MAML2: variants seen among roughly 807,000 people sequenced by gnomAD.
MAML2 encodes mastermind-like protein 2.
MAML2 carries 22 observed loss-of-function variants against 96.1 expected under a neutral mutation model. That is an observed-to-expected ratio of 0.23 (90% CI 0.16 to 0.33). The LOEUF is 0.33. MAML2 is among the 10% of genes least tolerant of loss of function. The probability of loss-of-function intolerance (pLI) is 1.00; values close to 1 mark genes in which losing one functional copy is unlikely to be tolerated. For missense variants in MAML2, 1,367 were observed against 1,392.4 expected (o/e 0.98, Z 0.29); for synonymous variants, 561 against 521.3 (o/e 1.08, Z -1.04).
At chr11:96,248,813 T>C (rs1862544462) in intron 1 of MAML2, among the ~76,000 whole-genome samples, 1 of 152,226 alleles carries the variant, frequency 6.6e-6, no homozygotes. Flanking sequence ...ATGGATCTAC[T>C]CCAATCTCCA....
intron 2 of MAML2, among the ~76,000 whole-genome samples, chr11:96,001,138 G>T (rs568765982): frequency 6.6e-6 from 1 of 152,284 alleles, no homozygotes; most frequent in South Asian, 2.1e-4. Context: ...AGTCACTACA[G>T]AGTTTATCCT....
rs111411130 is a variant in MAML2 at position 96,166,146 on chromosome 11, C to G, written c.514-72629G>C. ...TGTCTCTCTTTCTCTGTCTCTCTCT[C>G]TCTGTCTGTCTCTCTCTCTCTCTCT... On this transcript the variant is annotated intron_variant, in intron 1 of 4. Transcript: ENST00000524717. 1.1e-3 allele frequency among the ~76,000 whole-genome samples: 138 copies of G among 122,084 alleles called. No individual in the cohort carries two copies. The East Asian group carries it at 0.012, about 11-fold the overall frequency. 80.1% of individuals were successfully genotyped at this position (122,084 alleles called of 152,430 possible). A position where few individuals can be genotyped will look rare whatever the true frequency, so the allele number is the denominator to read the frequency against.
intron 1 of MAML2, among the ~76,000 whole-genome samples, chr11:96,297,442 G>A (rs578446): frequency 1.3e-5 from 2 of 151,562 alleles, no homozygotes; most frequent in Non-Finnish European, 1.5e-5. Context: ...GGGTGTGGTG[G>A]TGCATGCCTG....
intron 1 of MAML2, among the ~76,000 whole-genome samples, chr11:96,167,944 T>A (rs1202657978): frequency 1.3e-5 from 2 of 152,268 alleles, no homozygotes; most frequent in Admixed American, 1.3e-4. Context: ...ATGACCTATG[T>A]ATATGTCTGA....
chr11:96,115,104 G>A lies in MAML2; in HGVS notation c.514-21587C>T, dbSNP rs1860211319. ...AAGATCCAAAGATACAAGGTAGTGAGGTTTAAGGGGTACATATTAAATGTT... is the reference window on the plus strand; with the variant it reads ...AAGATCCAAAGATACAAGGTAGTGAAGTTTAAGGGGTACATATTAAATGTT... On this transcript the variant is annotated intron_variant, in intron 1 of 4. Transcript: ENST00000524717. Among the ~76,000 whole-genome samples the A allele has an allele frequency of 5.9e-5, 9 of 152,186 alleles. No homozygotes were observed. In the South Asian group the frequency reaches 1.9e-3, roughly 32 times the overall value.
chr11:96,331,609 C>T (rs1189266663), intron 1 of MAML2, among the ~76,000 whole-genome samples: 1 of 151,152 alleles, frequency 6.6e-6, no homozygotes, highest in African/African-American at 2.4e-5. Context: ...ACCAGCCTGA[C>T]CAACATGGTG....
chr11:96,243,478 C>T (rs1402420925), intron 1 of MAML2, among the ~76,000 whole-genome samples: 1 of 152,178 alleles, frequency 6.6e-6, no homozygotes, highest in East Asian at 1.9e-4. Context: ...TCCAGGCACG[C>T]GCGGAGCCAG....
At chr11:96,141,074 T>A (rs186961253) in intron 1 of MAML2, among the ~76,000 whole-genome samples, 1 of 152,288 alleles carries the variant, frequency 6.6e-6, no homozygotes, top group East Asian at 1.9e-4. Flanking sequence ...GTTGACCATA[T>A]CTTTATTGTT....
chr11:96,122,244 G>T (rs963908574), intron 1 of MAML2, among the ~76,000 whole-genome samples: 14 of 151,942 alleles, frequency 9.2e-5, no homozygotes, highest in Non-Finnish European at 1.6e-4. Flanking sequence ...CTGACTTGCA[G>T]ATAATCTCTC....
intron 1 of MAML2, among the ~76,000 whole-genome samples, chr11:96,166,392 C>T (rs763438103): frequency 1.1e-4 from 17 of 152,074 alleles, no homozygotes; most frequent in Non-Finnish European, 2.2e-4. Flanking sequence ...TGGTTATTTT[C>T]GTTAAGTTAA....
At chr11:96,072,909 A>C (rs988423407) in intron 2 of MAML2, among the ~76,000 whole-genome samples, 1 of 152,242 alleles carries the variant, frequency 6.6e-6, no homozygotes, top group Admixed American at 6.5e-5. Context: ...AACTTGTCTC[A>C]TGGTGGCTCC....
rs541475053 is a variant in MAML2 at position 96,256,804 on chromosome 11, G to T, written c.513+84579C>A. ...ATTTTACACATCTGAAGCCACATAAGTATGTCCGGCTGCAATACATCTGGT... is the reference window on the plus strand; with the variant it reads ...ATTTTACACATCTGAAGCCACATAATTATGTCCGGCTGCAATACATCTGGT... On this transcript the variant is annotated intron_variant, in intron 1 of 4. Transcript: ENST00000524717. 1.1e-3 allele frequency among the ~76,000 whole-genome samples: 172 copies of T among 152,288 alleles called. 3 individuals are homozygous for T. The highest frequency in any genetic ancestry group is 4.0e-3 in the African/African-American group (167 of 41,550).
At chr11:96,268,341 G>T (rs1476729998) in intron 1 of MAML2, among the ~76,000 whole-genome samples, 3 of 152,038 alleles carry the variant, frequency 2.0e-5, no homozygotes, top group Admixed American at 6.6e-5. Context: ...TTCAAAATTA[G>T]CCAGGTATGG....
intron 2 of MAML2, among the ~76,000 whole-genome samples, chr11:96,069,535 G>A (rs1315299391): frequency 2.6e-5 from 4 of 151,942 alleles, no homozygotes; most frequent in Admixed American, 6.6e-5. Flanking sequence ...AAAATTAGCC[G>A]GGCGTGGCAC....
chr11:96,227,793 G>A (rs578243441), intron 1 of MAML2, among the ~76,000 whole-genome samples: 58 of 152,238 alleles, frequency 3.8e-4, no homozygotes, highest in African/African-American at 6.7e-4. Context: ...TGTCTCTGTC[G>A]CCATCGAATG....
At chr11:96,012,243 C>A (rs536965426) in intron 2 of MAML2, among the ~76,000 whole-genome samples, 1 of 152,190 alleles carries the variant, frequency 6.6e-6, no homozygotes, top group South Asian at 2.1e-4. Flanking sequence ...AAGAGAACAG[C>A]GGCTTACATC....
intron 1 of MAML2, among the ~76,000 whole-genome samples, chr11:96,265,062 A>C (rs1335155192): frequency 6.6e-6 from 1 of 152,196 alleles, no homozygotes; most frequent in Admixed American, 6.5e-5. Context: ...ACATAACTAA[A>C]CCATGTTATT....
chr11:96,334,990 G>A (rs1197474740), intron 1 of MAML2, among the ~76,000 whole-genome samples: 2 of 152,200 alleles, frequency 1.3e-5, no homozygotes, highest in East Asian at 1.9e-4. Flanking sequence ...TCTCACAAAT[G>A]TGTAGGCCAA....
At chr11:95,993,049 A>C (rs147373942) in intron 2 of MAML2, among the ~76,000 whole-genome samples, 211 of 151,948 alleles carry the variant, frequency 1.4e-3, no homozygotes, top group Non-Finnish European at 2.4e-3. Flanking sequence ...GCTAATTTTT[A>C]AATTTTTTTT....
Sources: allele counts gnomAD v4.1 joint callset (sites outside exome capture counted in the v4.1 genomes callset), GRCh38; gene constraint gnomAD v4.1.1; transcripts MANE v1.5; gene names NCBI Gene and HGNC (gene_info 2026-07-23, HGNC 2026-07-21).